Variants in PTPRK observed in about 807,000 individuals in gnomAD.
The protein encoded by PTPRK is protein tyrosine phosphatase receptor type K, also known as receptor-type tyrosine-protein phosphatase kappa.
PTPRK carries 75 observed loss-of-function variants against 178.0 expected under a neutral mutation model. The observed-to-expected ratio is 0.42, with a 90% CI of 0.35 to 0.51. PTPRK has a LOEUF of 0.51. Ranked by LOEUF, PTPRK falls within the 20% of genes least tolerant of loss-of-function variation. The pLI is 0.02. For missense variants in PTPRK, 1,441 were observed against 1,797.8 expected, an observed-to-expected ratio of 0.80 and a Z score of 3.59; for synonymous variants, 637 against 620.6, an observed-to-expected ratio of 1.03 and a Z score of -0.39.
At chr6:128,225,900 T>A (rs1470459007) in intron 5 of PTPRK, among the ~76,000 whole-genome samples, 1 of 152,146 alleles carries the variant, frequency 6.6e-6, no homozygotes, top group East Asian at 1.9e-4. Context: ...TGGTGAATAT[T>A]ATAATTCTGA....
intron 6 of PTPRK, among the ~76,000 whole-genome samples, chr6:128,215,623 A>G (rs1198430525): frequency 6.6e-6 from 1 of 152,118 alleles, no homozygotes; most frequent in Non-Finnish European, 1.5e-5. Context: ...GAAAACATAG[A>G]TCAATACTCT....
At chr6:128,042,317 T>C (rs1777325600) in intron 13 of PTPRK, among the ~76,000 whole-genome samples, 1 of 152,096 alleles carries the variant, frequency 6.6e-6, no homozygotes, top group Non-Finnish European at 1.5e-5. Flanking sequence ...ATTTGTGGGT[T>C]AAAACAACAC....
At position 128,386,413 on chromosome 6, in the gene PTPRK, G is replaced by A. The variant is rs148231203; in HGVS notation, c.223+11153C>T. On this transcript the variant is annotated intron_variant, in intron 2 of 29. Transcript: ENST00000368226. ...GTCTGTTACCTAGTCTGAGTTTATA[G>A]GGTCCCGGCCTGAGAGGAAATAGTT... Among the ~76,000 whole-genome samples the A allele has an allele frequency of 4.6e-3, 696 of 152,250 alleles. 6 individuals are homozygous for A. The highest frequency in any genetic ancestry group is 0.015 in the South Asian group (71 of 4,824).
intron 3 of PTPRK, among the ~76,000 whole-genome samples, chr6:128,253,274 T>C (rs1816776928): frequency 6.6e-6 from 1 of 152,158 alleles, no homozygotes; most frequent in Non-Finnish European, 1.5e-5. Context: ...ACTGAAATAA[T>C]CCAAGATCTA....
chr6:128,035,263 G>T (rs1039157462), intron 13 of PTPRK, among the ~76,000 whole-genome samples: 1 of 152,132 alleles, frequency 6.6e-6, no homozygotes, highest in East Asian at 1.9e-4. Flanking sequence ...CTACTTGGGA[G>T]GCTGAGGTGG....
intron 13 of PTPRK, among the ~76,000 whole-genome samples, chr6:128,051,789 T>C (rs1310720758): frequency 1.3e-5 from 2 of 152,208 alleles, no homozygotes; most frequent in East Asian, 1.9e-4. Context: ...CTCCACACTT[T>C]TATTTCTAGT....
chr6:128,346,549 T>G (rs1410028460), intron 2 of PTPRK, among the ~76,000 whole-genome samples: 1 of 152,152 alleles, frequency 6.6e-6, no homozygotes, highest in Non-Finnish European at 1.5e-5. Flanking sequence ...TTTAGTTGCC[T>G]AACAAATTAA....
At chr6:128,464,106 T>C (rs892578202) in intron 1 of PTPRK, among the ~76,000 whole-genome samples, 1 of 152,086 alleles carries the variant, frequency 6.6e-6, no homozygotes, top group Non-Finnish European at 1.5e-5. Flanking sequence ...GACAAACTTT[T>C]AGATAAACTA....
At chr6:127,991,648 C>A (rs1776628178) in intron 19 of PTPRK, among the ~76,000 whole-genome samples, 1 of 140,896 alleles carries the variant, frequency 7.1e-6, no homozygotes, top group South Asian at 2.2e-4. Flanking sequence ...TCACTAGTTT[C>A]TTGGGTATTT....
At chr6:127,974,357 C>T (rs7738609) in intron 27 of PTPRK, among the ~76,000 whole-genome samples, 29,385 of 152,150 alleles carry the variant, frequency 0.19, 3,644 homozygotes, top group African/African-American at 0.35. Context: ...CTTCTTCAAC[C>T]TTCTCTTTGT....
intron 7 of PTPRK, among the ~76,000 whole-genome samples, chr6:128,155,044 A>C (rs532530883): frequency 6.5e-4 from 99 of 151,868 alleles, no homozygotes; most frequent in Non-Finnish European, 1.2e-3. Flanking sequence ...GATTAAAGAA[A>C]CCTGAATATT....
chr6:128,342,816 G>A (rs1217398444), intron 2 of PTPRK, among the ~76,000 whole-genome samples: 4 of 152,096 alleles, frequency 2.6e-5, no homozygotes, highest in Non-Finnish European at 5.9e-5. Flanking sequence ...GCCATGCATA[G>A]TAGCACACAC....
rs973031950 is a variant in PTPRK at position 128,089,943 on chromosome 6, T to A, written c.1212A>T (p.Arg404Ser). The A allele has an allele frequency of 6.8e-6, 11 of 1,611,924 alleles. No homozygotes were observed. Among genetic ancestry groups the A allele is most frequent in the Non-Finnish European group, 9.3e-6 (11 of 1,178,072 alleles). Residue 404 changes from arginine (R) to serine (S), a missense_variant, in exon 8 of 30, where the codon AGA (arginine) becomes AGT (serine). Physicochemically the swap from Arg to Ser is moderately radical, Grantham distance 110. Coordinates refer to ENST00000368226, the MANE Select transcript of PTPRK (RefSeq NM_002844.4). ...KTLKIAEIQARRIAVDWESLG... is the reference protein window; with the variant it reads ...KTLKIAEIQASRIAVDWESLG... ...AGGATTCCCAGTCCACAGCAATCCG[T>A]CTTGCCTGTATTTCAGCAATCTTTA...
chr6:128,243,716 T>C (rs1293472430), intron 3 of PTPRK, among the ~76,000 whole-genome samples: 1 of 151,746 alleles, frequency 6.6e-6, no homozygotes, highest in East Asian at 1.9e-4. Flanking sequence ...ACAATAATAA[T>C]GTGTGCTGTG....
At chr6:128,179,176 T>A (rs369696132) in intron 7 of PTPRK, among the ~76,000 whole-genome samples, 9 of 152,130 alleles carry the variant, frequency 5.9e-5, no homozygotes, top group African/African-American at 2.2e-4. Context: ...GCATTTATTC[T>A]GTTTATAGGT....
intron 2 of PTPRK, among the ~76,000 whole-genome samples, chr6:128,338,470 C>T (rs1445877889): frequency 6.6e-6 from 1 of 152,140 alleles, no homozygotes; most frequent in African/African-American, 2.4e-5. Context: ...AAGATGAGTT[C>T]AAGTTCTTCA....
chr6:128,169,847 G>T (rs190255903), intron 7 of PTPRK, among the ~76,000 whole-genome samples: 1 of 150,702 alleles, frequency 6.6e-6, no homozygotes, highest in East Asian at 2.0e-4. Context: ...TATTACAATG[G>T]AGACAAATAA....
intron 3 of PTPRK, among the ~76,000 whole-genome samples, chr6:128,257,946 A>T (rs1275789882): frequency 1.3e-5 from 2 of 152,188 alleles, no homozygotes; most frequent in Non-Finnish European, 2.9e-5. Context: ...AAAAATATGA[A>T]GGTTCTCTGA....
chr6:128,341,322 G>A (rs2128331379), intron 2 of PTPRK, among the ~76,000 whole-genome samples: 1 of 152,000 alleles, frequency 6.6e-6, no homozygotes, highest in East Asian at 1.9e-4. Context: ...TTTTCAAAAA[G>A]CCTCATGTAA....
Sources: allele counts gnomAD v4.1 joint callset (sites outside exome capture counted in the v4.1 genomes callset), GRCh38; gene constraint gnomAD v4.1.1; transcripts MANE v1.5; gene names NCBI Gene and HGNC (gene_info 2026-07-23, HGNC 2026-07-21).